The following TNFSF13B variants were observed in gnomAD, a reference collection of about 807,000 sequenced individuals.
The protein encoded by TNFSF13B is TNF superfamily member 13b.
In TNFSF13B, 8 loss-of-function variants were observed where a neutral mutation model predicts 29.1. That is an observed-to-expected ratio of 0.27 (90% CI 0.16 to 0.50). The LOEUF (loss-of-function observed/expected upper bound fraction) is 0.50, where lower values mean the gene tolerates loss of function less well. Ranked by LOEUF, TNFSF13B falls within the 20% of genes least tolerant of loss-of-function variation. The pLI, the probability that TNFSF13B is intolerant of heterozygous loss-of-function variation, is 0.98. For missense variants in TNFSF13B, 248 were observed against 334.9 expected, an observed-to-expected ratio of 0.74 and a Z score of 2.03; for synonymous variants, 125 against 130.8, an observed-to-expected ratio of 0.96 and a Z score of 0.30.
intron 2 of TNFSF13B, among the ~76,000 whole-genome samples, chr13:108,270,714 T>C (rs1880590121): frequency 6.6e-6 from 1 of 152,190 alleles, no homozygotes; most frequent in Admixed American, 6.5e-5. Flanking sequence ...AAGGGCCATA[T>C]GTGTTTCCTC....
chr13:108,287,177 G>A (rs1330045537), intron 3 of TNFSF13B, among the ~76,000 whole-genome samples: 3 of 151,718 alleles, frequency 2.0e-5, no homozygotes, highest in African/African-American at 7.3e-5. Context: ...GTTAAATGAC[G>A]AGTTAATGGG....
chr13:108,304,563 G>T (rs1010414672), intron 5 of TNFSF13B, among the ~76,000 whole-genome samples: 2 of 152,064 alleles, frequency 1.3e-5, no homozygotes, highest in African/African-American at 4.8e-5. Context: ...ATCCAGGCTG[G>T]TTTTGCAGAA....
intron 5 of TNFSF13B, among the ~76,000 whole-genome samples, chr13:108,304,807 G>T (rs568405821): frequency 3.9e-5 from 6 of 152,244 alleles, no homozygotes; most frequent in East Asian, 1.9e-4. Context: ...ATGTCATTCT[G>T]GATCTGCAGC....
At chr13:108,302,552 A>G (rs149523380) in intron 3 of TNFSF13B, among the ~76,000 whole-genome samples, 331 of 152,076 alleles carry the variant, frequency 2.2e-3, no homozygotes, top group African/African-American at 7.7e-3. Context: ...CCATGTGCCT[A>G]CTCACTGATG....
chr13:108,303,762 A>G (rs576919121), intron 5 of TNFSF13B, among the ~76,000 whole-genome samples, 158 bp downstream of exon 5: 4 of 152,320 alleles, frequency 2.6e-5, no homozygotes, highest in South Asian at 4.1e-4. Flanking sequence ...CTTGAATAAT[A>G]AGCTAGTCTG....
intron 2 of TNFSF13B, among the ~76,000 whole-genome samples, chr13:108,278,630 CCTTT>C (rs1880833144): frequency 8.4e-6 from 1 of 119,246 alleles, no homozygotes; most frequent in South Asian, 2.8e-4. Flanking sequence ...CCTCCTCCTC[CCTTT>C]CCTCCTCCTC....
intron 2 of TNFSF13B, among the ~76,000 whole-genome samples, chr13:108,276,285 C>T (rs1365209790): frequency 6.6e-6 from 1 of 152,240 alleles, no homozygotes; most frequent in Non-Finnish European, 1.5e-5. Context: ...TTGACCAGAG[C>T]TTTCCCTGAG....
At chr13:108,286,636 T>C (rs961880087) in intron 2 of TNFSF13B, among the ~76,000 whole-genome samples, 167 bp from the exon 3 acceptor site, 1 of 148,928 alleles carries the variant, frequency 6.7e-6, no homozygotes, top group Non-Finnish European at 1.5e-5. Context: ...ATCATATATA[T>C]AAATCAATGG....
Position 108,295,153 on chromosome 13 carries a change from C to A in TNFSF13B, c.482-8100C>A, listed in dbSNP as rs751466527. Among the ~76,000 whole-genome samples the A allele has an allele frequency of 4.2e-5, 6 of 144,470 alleles. 1 individual carries two copies. The highest frequency in any genetic ancestry group is 6.1e-5 in the Non-Finnish European group (4 of 65,270). The allele number at this position is 144,470 out of a possible 152,430, so 94.8% of individuals were successfully genotyped here. A position where few individuals can be genotyped will look rare whatever the true frequency, so the allele number is the denominator to read the frequency against. ...ATTTTTGTTCATATTTTTCAAAAAACCAGTTTTCAGTGTTATTGTTTCGTC... is the reference window on the plus strand; with the variant it reads ...ATTTTTGTTCATATTTTTCAAAAAAACAGTTTTCAGTGTTATTGTTTCGTC... On this transcript the variant is annotated intron_variant, in intron 3 of 5. Coordinates refer to ENST00000375887, the MANE Select transcript of TNFSF13B (RefSeq NM_006573.5).
intron 2 of TNFSF13B, among the ~76,000 whole-genome samples, chr13:108,284,356 G>GAATA (rs201687174): frequency 0.012 from 1,346 of 107,986 alleles, 20 homozygotes; most frequent in African/African-American, 0.034. Flanking sequence ...ATAAATAAAT[G>GAATA]AATAAATAAA....
At chr13:108,302,793 C>A (rs989978838) in intron 3 of TNFSF13B, 1 of 985,736 alleles carries the variant, frequency 1.0e-6, no homozygotes, top group Non-Finnish European at 1.2e-6. Flanking sequence ...TCTGTTGCCA[C>A]ATTTGGGCCA....
At chr13:108,281,390 A>T (rs1880950189) in intron 2 of TNFSF13B, among the ~76,000 whole-genome samples, 1 of 152,168 alleles carries the variant, frequency 6.6e-6, no homozygotes, top group African/African-American at 2.4e-5. Flanking sequence ...TCTCAGGAAC[A>T]CTATAGTGCT....
In TNFSF13B at chr13:108,270,383, A is replaced by G. The variant is rs2139037179; in HGVS notation, c.383A>G (p.Asn128Ser). Residue 128 changes from asparagine (N) to serine (S), a missense_variant, in exon 2 of 6, where the codon AAC (asparagine) becomes AGC (serine). Coordinates refer to ENST00000375887, the MANE Select transcript of TNFSF13B (RefSeq NM_006573.5). ...PAPGEGNSSQ[N>S]SRNKRAVQGP... ...CCAGGAGAAGGCAACTCCAGTCAGA[A>G]CAGCAGAAATAAGCGTGCCGTTCAG... is the stretch of plus-strand genomic sequence containing the variant. 1.2e-6 allele frequency: 2 copies of G among 1,614,150 alleles called. No individual in the cohort carries two copies. The highest frequency in any genetic ancestry group is 8.5e-7 in the Non-Finnish European group (1 of 1,179,986).
At chr13:108,292,030 G>A (rs1881329740) in intron 3 of TNFSF13B, among the ~76,000 whole-genome samples, 1 of 151,404 alleles carries the variant, frequency 6.6e-6, no homozygotes, top group African/African-American at 2.4e-5. Flanking sequence ...TCATTGTAAT[G>A]TAGTATTCAC....
At chr13:108,300,418 C>G (rs1452431980) in intron 3 of TNFSF13B, among the ~76,000 whole-genome samples, 1 of 152,000 alleles carries the variant, frequency 6.6e-6, no homozygotes, top group Admixed American at 6.6e-5. Context: ...TTTAAAAGCT[C>G]TCTTCCCTCC....
chr13:108,270,305 G>A, intron 1 of TNFSF13B, 35 bp from the exon 2 acceptor site: 1 of 1,613,954 alleles, frequency 6.2e-7, no homozygotes, highest in Non-Finnish European at 8.5e-7. Context: ...CGCCTCAGCT[G>A]TCTTTCTAAT....
chr13:108,287,938 G>T (rs1373501824), intron 3 of TNFSF13B, among the ~76,000 whole-genome samples: 1 of 152,078 alleles, frequency 6.6e-6, no homozygotes, highest in East Asian at 1.9e-4. Context: ...CAGAGAAATG[G>T]TCCTTGAAAT....
chr13:108,291,515 T>C (rs1173649161), intron 3 of TNFSF13B, among the ~76,000 whole-genome samples: 1 of 151,942 alleles, frequency 6.6e-6, no homozygotes, highest in Non-Finnish European at 1.5e-5. Context: ...TTTTCTTTCA[T>C]TATATTTTCC....
intron 2 of TNFSF13B, among the ~76,000 whole-genome samples, chr13:108,273,162 A>G (rs1001437318): frequency 6.6e-6 from 1 of 152,270 alleles, no homozygotes; most frequent in African/African-American, 2.4e-5. Flanking sequence ...CAGTGTGCAT[A>G]TAGGTATATA....
Sources: allele counts gnomAD v4.1 joint callset (sites outside exome capture counted in the v4.1 genomes callset), GRCh38; gene constraint gnomAD v4.1.1; transcripts MANE v1.5; gene names NCBI Gene and HGNC (gene_info 2026-07-23, HGNC 2026-07-21).